Variants in ZBTB40 observed in about 807,000 individuals in gnomAD.
The protein encoded by ZBTB40 is zinc finger and BTB domain containing 40, also known as zinc finger and BTB domain-containing protein 40.
In ZBTB40, 60 loss-of-function variants were observed where a neutral mutation model predicts 117.5. The ratio of observed to expected loss-of-function variants is 0.51; its 90% CI spans 0.41 to 0.63. The LOEUF (loss-of-function observed/expected upper bound fraction) is 0.63, where lower values mean the gene tolerates loss of function less well. Among genes scored for constraint, ZBTB40 ranks in the 30% least tolerant of loss-of-function variants. The pLI is 0.00. For synonymous variants in ZBTB40, 525 were observed against 577.1 expected (o/e 0.91, Z 1.29); for missense variants, 1,287 against 1,498.5 (o/e 0.86, Z 2.33).
intron 1 of ZBTB40, among the ~76,000 whole-genome samples, chr1:22,485,970 C>T (rs1318407346): frequency 6.6e-6 from 1 of 151,200 alleles, no homozygotes; most frequent in African/African-American, 2.4e-5. Context: ...TCCATTAAAG[C>T]CCCTGGCTAT....
chr1:22,514,212 T>C lies in ZBTB40; in HGVS notation c.2668+1082T>C, dbSNP rs115010723. Among the ~76,000 whole-genome samples the C allele has an allele frequency of 6.3e-3, 959 of 152,338 alleles. 5 individuals carry two copies. Among genetic ancestry groups the C allele is most frequent in the African/African-American group, 0.021 (882 of 41,574 alleles). On this transcript the variant is annotated intron_variant, in intron 12 of 17. Transcript: ENST00000375647. Reference sequence around the variant, plus strand: ...TTTTTGGAGCAGCCTACCTATTGTTTAGAGCATTTCTTTATAAATTATAAG... The same window carrying C: ...TTTTTGGAGCAGCCTACCTATTGTTCAGAGCATTTCTTTATAAATTATAAG...
Position 22,490,382 on chromosome 1 carries a change from A to G in ZBTB40, c.434A>G (p.Gln145Arg). 2 of 1,613,984 alleles carry G rather than the reference A, an allele frequency of 1.2e-6. No individual in the cohort carries two copies. The highest frequency in any genetic ancestry group is 1.7e-6 in the Non-Finnish European group (2 of 1,179,880). ...ETFRKEPEKP[Q>R]VEILSSEGAG... ...TTCAGAAAGGAACCAGAGAAGCCTC[A>G]AGTAGAAATCCTTTCATCTGAAGGT... Residue 145 changes from glutamine to arginine, a missense_variant, in exon 2 of 18, where the codon CAA (glutamine) becomes CGA (arginine). Around this residue, in one of 2 missense-constraint regions of ZBTB40, gnomAD observed 870 missense variants for 934.4 expected, o/e 0.93. Transcript: ENST00000375647.
intron 1 of ZBTB40, among the ~76,000 whole-genome samples, chr1:22,452,352 C>T (rs999027866): frequency 5.3e-5 from 8 of 152,262 alleles, no homozygotes; most frequent in African/African-American, 1.4e-4. Flanking sequence ...CCTTCAGGTC[C>T]CTTCGCCGGG....
intron 1 of ZBTB40, among the ~76,000 whole-genome samples, chr1:22,457,804 A>C (rs185591070): frequency 1.4e-4 from 22 of 152,352 alleles, no homozygotes; most frequent in Admixed American, 4.6e-4. Flanking sequence ...GAGGTAATCT[A>C]ACCTGCTAAT....
intron 1 of ZBTB40, among the ~76,000 whole-genome samples, chr1:22,436,427 G>A (rs888193425): frequency 3.3e-5 from 5 of 152,166 alleles, no homozygotes; most frequent in African/African-American, 4.8e-5. Context: ...CAGGAGAATC[G>A]CTTGAACCCG....
At chr1:22,518,105 G>A (rs967603993) in intron 13 of ZBTB40, among the ~76,000 whole-genome samples, 6 of 152,244 alleles carry the variant, frequency 3.9e-5, no homozygotes, top group South Asian at 4.1e-4. Context: ...TTACACCATC[G>A]GGAAATCACC....
At chr1:22,431,295 TATATTGA>T (rs1195936657) in intron 1 of ZBTB40, among the ~76,000 whole-genome samples, 734 of 146,094 alleles carry the variant, frequency 5.0e-3, no homozygotes, top group African/African-American at 0.012. Flanking sequence ...ATATATTGAA[TATATTGA>T]ATATACAGTA....
intron 1 of ZBTB40, among the ~76,000 whole-genome samples, chr1:22,429,793 G>A (rs1261520164): frequency 6.6e-6 from 1 of 152,094 alleles, no homozygotes; most frequent in African/African-American, 2.4e-5. Flanking sequence ...GGGAGTTCGA[G>A]ACCAGTCTGA....
Position 22,526,399 on chromosome 1 carries a change from AG to A in ZBTB40, c.*4del. ...TGATCTGTGGTGAGGCCAAATGAGC[AG>A]CCTTTCATCCGGCAGAGCCTTCCTG... On this transcript the variant is annotated 3_prime_UTR_variant, in exon 18 of 18. Transcript: ENST00000375647. 1 of 1,614,030 alleles carries A rather than the reference AG, an allele frequency of 6.2e-7. No individual in the cohort carries two copies. The highest frequency in any genetic ancestry group is 8.5e-7 in the Non-Finnish European group (1 of 1,180,020).
At chr1:22,520,350 G>A (rs115527124) in intron 14 of ZBTB40, 75 bp downstream of exon 14, 2 of 1,268,926 alleles carry the variant, frequency 1.6e-6, no homozygotes, top group Non-Finnish European at 2.2e-6. Flanking sequence ...CTGATGCCCG[G>A]GTTGGTGGCT....
At chr1:22,441,168 G>A (rs1467614048) in intron 1 of ZBTB40, among the ~76,000 whole-genome samples, 1 of 152,184 alleles carries the variant, frequency 6.6e-6, no homozygotes, top group Admixed American at 6.5e-5. Flanking sequence ...GATTATAGGT[G>A]TGTTCAGATT....
intron 1 of ZBTB40, among the ~76,000 whole-genome samples, chr1:22,455,354 G>A (rs1239137747): frequency 6.6e-6 from 1 of 152,158 alleles, no homozygotes; most frequent in African/African-American, 2.4e-5. Flanking sequence ...ATAGGATAAT[G>A]TTCGGGTTCA....
At chr1:22,522,723 T>C (rs1437395813) in intron 16 of ZBTB40, among the ~76,000 whole-genome samples, 2 of 152,134 alleles carry the variant, frequency 1.3e-5, no homozygotes, top group Admixed American at 6.5e-5. Flanking sequence ...AAAGTGCCAG[T>C]TAAAAATAAA....
intron 3 of ZBTB40, among the ~76,000 whole-genome samples, chr1:22,499,834 A>G (rs1638877131): frequency 6.6e-6 from 1 of 152,190 alleles, no homozygotes; most frequent in African/African-American, 2.4e-5. Context: ...CTCTAAATAA[A>G]AATCTTAAAC....
At chr1:22,510,839 T>G (rs975691949) in intron 9 of ZBTB40, among the ~76,000 whole-genome samples, 1 of 152,232 alleles carries the variant, frequency 6.6e-6, no homozygotes, top group African/African-American at 2.4e-5. Context: ...CTATAGCTTT[T>G]CAAGCTTTTA....
chr1:22,509,025 T>C, intron 8 of ZBTB40, 75 bp from the exon 9 acceptor site: 1 of 1,611,216 alleles, frequency 6.2e-7, no homozygotes, highest in Non-Finnish European at 8.5e-7. Context: ...TATGAAGAGT[T>C]GAGTGGAGGA....
At chr1:22,486,894 C>T (rs561182848) in intron 1 of ZBTB40, among the ~76,000 whole-genome samples, 2 of 152,248 alleles carry the variant, frequency 1.3e-5, no homozygotes, top group East Asian at 3.9e-4. Flanking sequence ...GCCACCATGC[C>T]TGACTAATTT....
intron 5 of ZBTB40, among the ~76,000 whole-genome samples, chr1:22,503,830 C>G (rs1045821207): frequency 5.3e-5 from 8 of 152,146 alleles, no homozygotes; most frequent in African/African-American, 1.7e-4. Flanking sequence ...TCCTGATTCC[C>G]TCTTTAGTGA....
chr1:22,513,034 C>T lies in ZBTB40; in HGVS notation c.2572C>T (p.His858Tyr). ...NSTLKNHLRL[H>Y]TGDRPFMCKH... ...CACCCTGAAGAACCACCTTCGCCTT[C>T]ACACCGGGGACCGCCCGTTCATGTG... The change falls in exon 12 of 18, where the codon CAC (histidine) becomes TAC (tyrosine). Residue 858 changes from histidine (H) to tyrosine (Y), a missense_variant. Coordinates refer to ENST00000375647, the MANE Select transcript of ZBTB40 (RefSeq NM_014870.4). This position sits in a 1 kb window ranked among gnomAD's most constrained non-coding sequence, Gnocchi z 4.9. 1 of 1,614,220 alleles carries T rather than the reference C, an allele frequency of 6.2e-7. No homozygotes were observed. Among genetic ancestry groups the T allele is most frequent in the Non-Finnish European group, 8.5e-7 (1 of 1,180,050 alleles).
Sources: gnomAD v4.1 joint callset for allele counts (sites outside exome capture counted in the v4.1 genomes callset) on GRCh38, gnomAD v4.1.1 for gene constraint, gnomAD v4.1.1 regional missense constraint, Gnocchi (gnomAD v3.1) non-coding constraint, MANE v1.5 for transcripts, NCBI Gene and HGNC (gene_info 2026-07-23, HGNC 2026-07-21) for gene names.